The following TYK2 variants were observed in gnomAD, a reference collection of about 807,000 sequenced individuals.
The protein encoded by TYK2 is tyrosine kinase 2.
Under a neutral mutation model 130.9 loss-of-function variants are expected in TYK2, and 65 were observed. The ratio of observed to expected loss-of-function variants is 0.50; its 90% confidence interval spans 0.41 to 0.61. The LOEUF is 0.61. Among genes scored for constraint, TYK2 ranks in the 20% least tolerant of loss-of-function variants. TYK2 has a pLI of 0.00. For synonymous variants in TYK2, 647 were observed against 658.9 expected, an observed-to-expected ratio of 0.98 and a Z score of 0.28; for missense variants, 1,378 against 1,610.7, an observed-to-expected ratio of 0.86 and a Z score of 2.47.
intron 5 of TYK2, among the ~76,000 whole-genome samples, chr19:10,367,129 T>C (rs2041698587): frequency 6.6e-6 from 1 of 152,080 alleles, no homozygotes; most frequent in Non-Finnish European, 1.5e-5. Context: ...AAAGCTGTCC[T>C]GGGCAGCATG....
intron 3 of TYK2, chr19:10,368,757 G>T (rs2041786052): frequency 5.7e-6 from 2 of 353,432 alleles, no homozygotes; most frequent in Non-Finnish European, 1.1e-5. Flanking sequence ...TGTGACAGAT[G>T]GTGAAGCTGT....
At chr19:10,367,330 C>T (rs1419393876) in intron 5 of TYK2, among the ~76,000 whole-genome samples, 1 of 151,804 alleles carries the variant, frequency 6.6e-6, no homozygotes, top group Non-Finnish European at 1.5e-5. Flanking sequence ...CTATCCCCTT[C>T]AACCTGAACT....
chr19:10,366,047 A>G, intron 6 of TYK2, 149 bp from the exon 7 acceptor site: 1 of 922,668 alleles, frequency 1.1e-6, no homozygotes, highest in Non-Finnish European at 1.6e-6. Context: ...TTGAGCCTGT[A>G]GTCTCAGCTA....
chr19:10,350,949 T>G lies in TYK2; in HGVS notation c.3449A>C (p.Asn1150Thr). 6.2e-7 allele frequency: 1 copy of G among 1,614,192 alleles called. No individual in the cohort carries two copies. Among genetic ancestry groups the G allele is most frequent in the Non-Finnish European group, 8.5e-7 (1 of 1,180,020 alleles). ...AAAGGACGCCTCTGTCTCCCAGCAG[T>G]TCTTCATGAGATGATAGACCTAGAA... ...CPCEVYHLMKNCWETEASFRP... is the reference protein window; with the variant it reads ...CPCEVYHLMKTCWETEASFRP... Residue 1150 changes from asparagine (N) to threonine (T), a missense_variant, in exon 25 of 25, where the codon AAC becomes ACC. Asn to Thr is a moderately conservative substitution (Grantham distance 65). Transcript: ENST00000525621.
In TYK2 at chr19:10,353,252, CA is replaced by C; in HGVS notation, c.3028-155del. ...GGGCCGGATGGCACGTGGCACCAAG[CA>C]AAAGGAGGCTGAGCCAGAAAGCAGG... is the stretch of plus-strand genomic sequence containing the variant. On this transcript the variant is annotated intron_variant, in intron 21 of 24. Transcript: ENST00000525621. The surrounding 1 kb of genome is among the most constrained non-coding windows in gnomAD (Gnocchi z 6.9). 2 of 628,790 alleles carry C rather than the reference CA, an allele frequency of 3.2e-6. No homozygotes were observed. Among genetic ancestry groups the C allele is most frequent in the Admixed American group, 3.4e-5 (1 of 29,790 alleles). The allele number at this position is 628,790 out of a possible 1,614,324, so 39.0% of individuals were successfully genotyped here.
intron 3 of TYK2, among the ~76,000 whole-genome samples, chr19:10,377,564 ATGGGTGGGTGGG>A (rs1568346501): frequency 2.5e-4 from 13 of 52,688 alleles, no homozygotes; most frequent in South Asian, 7.9e-4. Flanking sequence ...GGGTGGATGG[ATGGGTGGGTGGG>A]TGGATGGATG....
chr19:10,373,479 C>T (rs2041999346), intron 3 of TYK2, among the ~76,000 whole-genome samples: 1 of 151,696 alleles, frequency 6.6e-6, no homozygotes, highest in Non-Finnish European at 1.5e-5. Flanking sequence ...CTGGGATGTG[C>T]GTCACCACGC....
chr19:10,354,672 G>A (rs1398549482), intron 18 of TYK2, 63 bp from the exon 19 acceptor site: 31 of 1,430,198 alleles, frequency 2.2e-5, no homozygotes, highest in Middle Eastern at 1.8e-4. Context: ...CCCACACTTG[G>A]GAGTCACAAA....
chr19:10,363,252 C>T (rs1300505989), intron 9 of TYK2, among the ~76,000 whole-genome samples: 1 of 148,294 alleles, frequency 6.7e-6, no homozygotes, highest in Non-Finnish European at 1.5e-5. Flanking sequence ...TGCAGCGGTG[C>T]AATCTTGGCT....
At chr19:10,374,093 T>C (rs1306195058) in intron 3 of TYK2, among the ~76,000 whole-genome samples, 3 of 151,768 alleles carry the variant, frequency 2.0e-5, no homozygotes, top group Admixed American at 6.6e-5. Flanking sequence ...AGTGAAACCC[T>C]GTCTCTACTA....
At position 10,365,369 on chromosome 19, in the gene TYK2, A is replaced by G. The variant is rs1195328963; in HGVS notation, c.1011+148T>C. The stretch of plus-strand genomic sequence containing the variant: ...GTAAGCAGATGGAGGACCTTCTCCA[A>G]GAAACTGGCCCTAGCGGACAGGTGC... On this transcript the variant is annotated intron_variant, in intron 7 of 24. Coordinates refer to ENST00000525621, the MANE Select transcript of TYK2 (RefSeq NM_003331.5). The G allele has an allele frequency of 4.7e-6, 6 of 1,267,930 alleles. No individual in the cohort carries two copies. The African/African-American group carries it at 7.4e-5, about 16-fold the overall frequency. The allele number at this position is 1,267,930 out of a possible 1,614,324, so 78.5% of individuals were successfully genotyped here.
rs1248565494 is a variant in TYK2 at position 10,354,719 on chromosome 19, TAA to T, written c.2618-112_2618-111del. On this transcript the variant is annotated intron_variant, in intron 18 of 24. Coordinates refer to ENST00000525621, the MANE Select transcript of TYK2 (RefSeq NM_003331.5). ...CTACCCCAGGATCCGATTCTAGAGG[TAA>T]GAAAACTTTTTCCTGCAACAGCTGA... is the stretch of plus-strand genomic sequence containing the variant. 5.7e-6 allele frequency: 5 copies of T among 883,546 alleles called. No homozygotes were observed. The African/African-American group carries it at 8.3e-5, about 15-fold the overall frequency. The allele number at this position is 883,546 out of a possible 1,614,324, so 54.7% of individuals were successfully genotyped here. A position where few individuals can be genotyped will look rare whatever the true frequency, so the allele number is the denominator to read the frequency against.
intron 3 of TYK2, among the ~76,000 whole-genome samples, chr19:10,369,374 T>A (rs911283444): frequency 2.6e-5 from 4 of 151,734 alleles, no homozygotes; most frequent in Non-Finnish European, 5.9e-5. Context: ...CTTTTTTTTT[T>A]AAGGGTCAGG....
Position 10,361,553 on chromosome 19 carries a change from G to A in TYK2, c.2005C>T (p.His669Tyr). Residue 669 changes from histidine (H) to tyrosine (Y), a missense_variant, in exon 14 of 25, where the codon CAC becomes TAC. Coordinates refer to ENST00000525621, the MANE Select transcript of TYK2 (RefSeq NM_003331.5). This position sits in a 1 kb window ranked among gnomAD's most constrained non-coding sequence, Gnocchi z 4.0. ...CAGACGCCATGCACGAAGGCCAGGT[G>A]CGTGTGGGAGACCTGGCTCATGAGG... The part of the protein sequence containing the change: ...ASLMSQVSHT[H>Y]LAFVHGVCVR... The A allele has an allele frequency of 6.5e-7, 1 of 1,548,106 alleles. No homozygotes were observed. The highest frequency in any genetic ancestry group is 8.7e-7 in the Non-Finnish European group (1 of 1,146,948).
Position 10,353,980 on chromosome 19 carries a change from G to A in TYK2, c.2908+62C>T. On this transcript the variant is annotated intron_variant, in intron 20 of 24. Transcript: ENST00000525621. This position sits in a 1 kb window ranked among gnomAD's most constrained non-coding sequence, Gnocchi z 6.9. ...TAGGCCAGACTGGCCCCGCCCACAA[G>A]GCCACACCCACGCTCTAACCACGCC... 3 of 1,557,634 alleles carry A rather than the reference G, an allele frequency of 1.9e-6. No homozygotes were observed. The highest frequency in any genetic ancestry group is 1.7e-5 in the Admixed American group (1 of 59,766).
chr19:10,362,394 G>T lies in TYK2; in HGVS notation c.1539C>A (p.Ala513=). Residue 513 remains alanine (A), a synonymous_variant, in exon 11 of 25, where the codon GCC becomes GCA. Transcript: ENST00000525621. ...ACCGGCCCCAGCCCTCCAGCACGAA[G>T]GCCCCGTCCTGCTGCTCAATGGGGA... The part of the protein sequence containing the change: ...RKFPIEQQDG[A]FVLEGWGRSF... The T allele has an allele frequency of 1.9e-6, 3 of 1,613,586 alleles. No individual in the cohort carries two copies. Among genetic ancestry groups the T allele is most frequent in the Non-Finnish European group, 2.5e-6 (3 of 1,179,700 alleles).
Position 10,350,701 on chromosome 19 carries a change from A to T in TYK2, c.*133T>A. 9.1e-7 allele frequency: 1 copy of T among 1,103,816 alleles called. No individual in the cohort carries two copies. Among genetic ancestry groups the T allele is most frequent in the Non-Finnish European group, 1.3e-6 (1 of 766,156 alleles). The allele number at this position is 1,103,816 out of a possible 1,614,324, so 68.4% of individuals were successfully genotyped here. ...ATAAGTTCACAGAGGTGGGGTCTCT[A>T]GACAGGAGTAAGGCACACGGTGTGG... is the stretch of plus-strand genomic sequence containing the variant. On this transcript the variant is annotated 3_prime_UTR_variant, in exon 25 of 25. Transcript: ENST00000525621.
In TYK2 at chr19:10,365,878, C is replaced by G. The variant is rs373143912; in HGVS notation, c.650G>C (p.Arg217Pro). The change falls in exon 7 of 25, where the codon CGC becomes CCC. Residue 217 changes from arginine to proline, a missense_variant. By Grantham distance (103) the Arg-to-Pro change is moderately radical. Transcript: ENST00000525621. ...KKTSFKDCIP[R>P]SFRRHIRQHS... ...CTGCCGGATATGCCGGCGGAAGGAG[C>G]GCGGGATGCAGTCCTTGAAGCTGGG... The G allele has an allele frequency of 6.2e-7, 1 of 1,610,594 alleles. No homozygotes were observed. The highest frequency in any genetic ancestry group is 8.5e-7 in the Non-Finnish European group (1 of 1,178,762).
Position 10,365,769 on chromosome 19 carries a change from C to A in TYK2, c.759G>T (p.Gln253His). 6.2e-7 allele frequency: 1 copy of A among 1,612,834 alleles called. No homozygotes were observed. Among genetic ancestry groups the A allele is most frequent in the Non-Finnish European group, 8.5e-7 (1 of 1,179,880 alleles). ...TGGCTAGGTATTTGACCATGACCAT[C>A]TGCTGGGAGAGTCGGCCCGGCTGGA... is the stretch of plus-strand genomic sequence containing the variant. ...RDFQPGRLSQ[Q>H]MVMVKYLATL... Residue 253 changes from glutamine (Q) to histidine (H), a missense_variant, in exon 7 of 25, where the codon CAG (glutamine) becomes CAT (histidine). Transcript: ENST00000525621.
Sources: gnomAD v4.1 joint callset for allele counts (sites outside exome capture counted in the v4.1 genomes callset) on GRCh38, gnomAD v4.1.1 for gene constraint, Gnocchi (gnomAD v3.1) non-coding constraint, MANE v1.5 for transcripts, NCBI Gene and HGNC (gene_info 2026-07-23, HGNC 2026-07-21) for gene names.